The following TFEC variants were observed in gnomAD, a reference collection of about 807,000 sequenced individuals.
TFEC encodes class E basic helix-loop-helix protein 34.
In TFEC, 31 loss-of-function variants were observed where a neutral mutation model predicts 41.6. That is an observed-to-expected ratio of 0.74 (90% CI 0.56 to 1.01). The LOEUF is 1.01. Among genes scored for constraint, TFEC ranks in the 50% least tolerant of loss-of-function variants. The pLI, the probability that TFEC is intolerant of heterozygous loss-of-function variation, is 0.00. For missense variants in TFEC, 402 were observed against 404.1 expected (o/e 0.99, Z 0.04); for synonymous variants, 143 against 140.6 (o/e 1.02, Z -0.12).
chr7:115,956,744 G>C lies in TFEC; in HGVS notation c.317C>G (p.Pro106Arg). 6.2e-7 allele frequency: 1 copy of C among 1,610,260 alleles called. No homozygotes were observed. Among genetic ancestry groups the C allele is most frequent in the Non-Finnish European group, 8.5e-7 (1 of 1,177,914 alleles). ...DVYSGEQGIS[P>R]INMGLTSASC... ...AGCACTTGTAAGCCCCATGTTAATT[G>C]GTGAAATTCCTTGTTCACCGCTATA... Residue 106 changes from proline (P) to arginine (R), a missense_variant, in exon 4 of 8, where the codon CCA becomes CGA. By Grantham distance (103) the Pro-to-Arg change is moderately radical (BLOSUM62 -2). Transcript: ENST00000265440.
At chr7:115,963,202 T>C (rs1174483498) in intron 3 of TFEC, among the ~76,000 whole-genome samples, 1 of 151,784 alleles carries the variant, frequency 6.6e-6, no homozygotes, top group African/African-American at 2.4e-5. Flanking sequence ...TTAAGATATA[T>C]ACAAATGGCC....
intron 3 of TFEC, among the ~76,000 whole-genome samples, chr7:116,041,687 A>G (rs1200809350): frequency 2.6e-5 from 4 of 152,156 alleles, no homozygotes; most frequent in African/African-American, 9.7e-5. Context: ...ACTCTACTTC[A>G]TTGTCTGATT....
At chr7:115,948,021 C>A (rs979449224) in intron 6 of TFEC, among the ~76,000 whole-genome samples, 12 of 152,042 alleles carry the variant, frequency 7.9e-5, no homozygotes, top group African/African-American at 2.2e-4. Context: ...GGGATAACAC[C>A]ACTGATCCCA....
chr7:116,091,180 T>C (rs886852464), intron 3 of TFEC, among the ~76,000 whole-genome samples: 1 of 152,184 alleles, frequency 6.6e-6, no homozygotes, highest in African/African-American at 2.4e-5. Flanking sequence ...ACACAAGAAA[T>C]ACTTTTTCTT....
At chr7:116,062,321 G>T (rs1425231776) in intron 3 of TFEC, among the ~76,000 whole-genome samples, 3 of 134,082 alleles carry the variant, frequency 2.2e-5, no homozygotes, top group Non-Finnish European at 3.1e-5. Context: ...CACCTCAAGT[G>T]ATCCACCCCA....
At chr7:116,091,217 C>T (rs965218716) in intron 3 of TFEC, among the ~76,000 whole-genome samples, 3 of 152,144 alleles carry the variant, frequency 2.0e-5, no homozygotes, top group Non-Finnish European at 4.4e-5. Flanking sequence ...AAAACTTCTT[C>T]AGGGAAATTG....
At chr7:116,016,399 T>A (rs1795191717) in intron 1 of TFEC, among the ~76,000 whole-genome samples, 1 of 152,084 alleles carries the variant, frequency 6.6e-6, no homozygotes, top group African/African-American at 2.4e-5. Context: ...GTGCTCATGG[T>A]TTTAAATACC....
chr7:116,083,973 G>A (rs1797147556), intron 3 of TFEC, among the ~76,000 whole-genome samples: 1 of 151,792 alleles, frequency 6.6e-6, no homozygotes, highest in Admixed American at 6.6e-5. Context: ...AAAGCCACAG[G>A]GCCAATTACG....
intron 4 of TFEC, 29 bp from the exon 5 acceptor site, chr7:115,954,671 T>C (rs768029714): frequency 2.5e-6 from 4 of 1,589,800 alleles, no homozygotes; most frequent in Non-Finnish European, 3.4e-6. Context: ...ATAAAAACCA[T>C]GCTTAGTTCT....
chr7:115,940,973 T>C (rs1267562753), intron 7 of TFEC, 42 bp from the exon 8 acceptor site: 2 of 1,524,642 alleles, frequency 1.3e-6, no homozygotes, highest in Non-Finnish European at 1.8e-6. Context: ...GTCTTTGAAA[T>C]TGGATTTAAC....
At chr7:116,110,958 G>T in intron 2 of TFEC, 2 of 1,241,814 alleles carry the variant, frequency 1.6e-6, no homozygotes, top group Non-Finnish European at 2.2e-6. Flanking sequence ...AAGGAGCACT[G>T]TAAAACACAT....
At chr7:116,034,071 C>T (rs1795851392), upstream of TFEC, among the ~76,000 whole-genome samples, 2 of 152,124 alleles carry the variant, frequency 1.3e-5, no homozygotes, top group South Asian at 4.1e-4. Context: ...CGTGATCATT[C>T]TCTTTGCCTT....
At chr7:116,046,453 G>T (rs1269949633) in intron 3 of TFEC, among the ~76,000 whole-genome samples, 1 of 152,048 alleles carries the variant, frequency 6.6e-6, no homozygotes, top group African/African-American at 2.4e-5. Context: ...TTTATCTCTT[G>T]CTGCGTTTCC....
chr7:116,076,876 C>T (rs898155580), intron 3 of TFEC, among the ~76,000 whole-genome samples: 1 of 152,072 alleles, frequency 6.6e-6, no homozygotes, highest in Non-Finnish European at 1.5e-5. Context: ...AGAAAAACTT[C>T]CCCAGCCTTC....
At chr7:115,994,747 T>C (rs891430023) in intron 1 of TFEC, among the ~76,000 whole-genome samples, 1 of 152,150 alleles carries the variant, frequency 6.6e-6, no homozygotes, top group African/African-American at 2.4e-5. Flanking sequence ...ACACTGTTGG[T>C]GGGACTGTAA....
intron 1 of TFEC, among the ~76,000 whole-genome samples, chr7:116,124,835 A>G (rs1798177994): frequency 6.6e-6 from 1 of 152,216 alleles, no homozygotes; most frequent in African/African-American, 2.4e-5. Flanking sequence ...TTTTACCATA[A>G]AAGAGCACTA....
intron 1 of TFEC, among the ~76,000 whole-genome samples, chr7:115,987,660 T>C (rs1402878699): frequency 1.3e-5 from 2 of 152,282 alleles, no homozygotes; most frequent in Admixed American, 6.5e-5. Flanking sequence ...GGGCAAGGAC[T>C]GTATTTATCT....
At chr7:116,033,203 C>A (rs1040971705), upstream of TFEC, among the ~76,000 whole-genome samples, 1 of 151,952 alleles carries the variant, frequency 6.6e-6, no homozygotes, top group Non-Finnish European at 1.5e-5. Flanking sequence ...CAAGTTCTGG[C>A]CATTCTATGC....
intron 1 of TFEC, among the ~76,000 whole-genome samples, chr7:116,015,434 A>G (rs1190153725): frequency 2.6e-5 from 4 of 152,138 alleles, no homozygotes. Flanking sequence ...ATAGAAAAGA[A>G]AGCAGAAGCT....
Sources: gnomAD v4.1 joint callset for allele counts (sites outside exome capture counted in the v4.1 genomes callset) on GRCh38, gnomAD v4.1.1 for gene constraint, MANE v1.5 for transcripts, NCBI Gene and HGNC (gene_info 2026-07-23, HGNC 2026-07-21) for gene names.